The following AFAP1L2 variants were observed in gnomAD, a reference collection of about 807,000 sequenced individuals.
The protein encoded by AFAP1L2 is actin filament associated protein 1 like 2.
AFAP1L2 carries 46 observed loss-of-function variants against 99.3 expected under a neutral mutation model. That is an observed-to-expected ratio of 0.46 (90% CI 0.37 to 0.59). The LOEUF (loss-of-function observed/expected upper bound fraction) is 0.59, where lower values mean the gene tolerates loss of function less well. Among genes scored for constraint, AFAP1L2 ranks in the 20% least tolerant of loss-of-function variants. The pLI is 0.00. For synonymous variants in AFAP1L2, 397 were observed against 419.1 expected (o/e 0.95, Z 0.64); for missense variants, 959 against 1,034.9 (o/e 0.93, Z 1.01).
chr10:114,310,587 C>T (rs1222631075), intron 7 of AFAP1L2, 144 bp from the exon 8 acceptor site: 10 of 699,212 alleles, frequency 1.4e-5, no homozygotes, highest in Middle Eastern at 4.0e-4. Context: ...AGGACCCACC[C>T]GACCCCAGCC....
At chr10:114,404,301 T>C in intron 1 of AFAP1L2, 139 bp downstream of exon 1, 1 of 1,032,800 alleles carries the variant, frequency 9.7e-7, no homozygotes, top group East Asian at 2.7e-5. Context: ...TCGCCCCCTC[T>C]TAGGCCCAGG....
At chr10:114,336,580 C>A (rs2048008017) in intron 2 of AFAP1L2, among the ~76,000 whole-genome samples, 1 of 151,878 alleles carries the variant, frequency 6.6e-6, no homozygotes, top group African/African-American at 2.4e-5. Context: ...TCCCAGAGAA[C>A]TGGCATAGGG....
rs202230952 is a variant in AFAP1L2 at position 114,363,842 on chromosome 10, AC to A, written c.17-23112del. Among the ~76,000 whole-genome samples the A allele has an allele frequency of 8.2e-3, 1,255 of 152,214 alleles. 12 individuals carry two copies. The highest frequency in any genetic ancestry group is 0.025 in the African/African-American group (1,033 of 41,520). On this transcript the variant is annotated intron_variant, in intron 1 of 18. Coordinates refer to ENST00000304129, the MANE Select transcript of AFAP1L2 (RefSeq NM_001001936.3). ...ATTGTTTTATTTAATCCTCACCACA[AC>A]CCTATGTGAAATATAGCATTATCCC...
intron 1 of AFAP1L2, among the ~76,000 whole-genome samples, chr10:114,360,509 T>TAGATAGATAGATAGTTAGA (rs61366681): frequency 1.0e-3 from 108 of 107,400 alleles, no homozygotes; most frequent in African/African-American, 2.5e-3. Context: ...AGATAGATAG[T>TAGATAGATAGATAGTTAGA]TAGATAGATA....
At chr10:114,301,981 CT>C (rs1457438433) in intron 12 of AFAP1L2, 1 of 279,218 alleles carries the variant, frequency 3.6e-6, no homozygotes, top group Non-Finnish European at 6.9e-6. Context: ...GCACCACCCC[CT>C]GACCTGCTTT....
chr10:114,287,499 C>T, the AFAP1L2 span, among the ~76,000 whole-genome samples: 11 of 152,098 alleles, frequency 7.2e-5, no homozygotes, highest in Non-Finnish European at 4.4e-5. Context: ...TCCTGGAGTT[C>T]TCCCCTTGGT....
At chr10:114,351,815 A>T (rs538766126) in intron 1 of AFAP1L2, among the ~76,000 whole-genome samples, 64 of 152,138 alleles carry the variant, frequency 4.2e-4, no homozygotes, top group Admixed American at 1.6e-3. Context: ...TTGATCTTGC[A>T]AGAAGCAGCC....
intron 11 of AFAP1L2, among the ~76,000 whole-genome samples, chr10:114,303,805 A>G (rs1283985005): frequency 6.6e-6 from 1 of 152,142 alleles, no homozygotes; most frequent in African/African-American, 2.4e-5. Context: ...GAAAGCCATC[A>G]GGGCTCCGTT....
At chr10:114,286,416 G>A in the AFAP1L2 span, 1 of 1,613,832 alleles carries the variant, frequency 6.2e-7, no homozygotes, top group East Asian at 2.2e-5. Context: ...GAGATCACAG[G>A]CAGCCCAAAG....
At chr10:114,334,390 T>G (rs188260538) in intron 2 of AFAP1L2, among the ~76,000 whole-genome samples, 1 of 152,224 alleles carries the variant, frequency 6.6e-6, no homozygotes, top group Non-Finnish European at 1.5e-5. Context: ...TCCTAGAAAC[T>G]TGTGGCTGAT....
At chr10:114,303,456 C>T (rs2041585347) in intron 11 of AFAP1L2, among the ~76,000 whole-genome samples, 1 of 152,118 alleles carries the variant, frequency 6.6e-6, no homozygotes, top group Admixed American at 6.5e-5. Flanking sequence ...TACAGGCGCC[C>T]ACCACCACAC....
At position 114,353,632 on chromosome 10, in the gene AFAP1L2, T is replaced by C. The variant is rs530772201; in HGVS notation, c.17-12901A>G. On this transcript the variant is annotated intron_variant, in intron 1 of 18. Coordinates refer to ENST00000304129, the MANE Select transcript of AFAP1L2 (RefSeq NM_001001936.3). Reference sequence around the variant, plus strand: ...AAGCCTAGAGTTTATTCCATTGCTCTGAGTCGACCTTACATTGGTAAAGAT... The same window carrying C: ...AAGCCTAGAGTTTATTCCATTGCTCCGAGTCGACCTTACATTGGTAAAGAT... Among the ~76,000 whole-genome samples, 194 of 152,350 alleles carry C rather than the reference T, an allele frequency of 1.3e-3. 1 individual carries two copies. Among genetic ancestry groups the C allele is most frequent in the Admixed American group, 4.2e-3 (64 of 15,306 alleles).
chr10:114,404,411 T>C, intron 1 of AFAP1L2, 29 bp downstream of exon 1: 1 of 1,539,344 alleles, frequency 6.5e-7, no homozygotes, highest in Non-Finnish European at 8.7e-7. Context: ...GGAGTGGGTG[T>C]GCGCCGCGCG....
At chr10:114,324,442 G>C (rs1327878501) in intron 4 of AFAP1L2, among the ~76,000 whole-genome samples, 5 of 148,406 alleles carry the variant, frequency 3.4e-5, no homozygotes, top group Admixed American at 6.9e-5. Context: ...AGCAGAGATG[G>C]GGTTTCATCA....
chr10:114,345,701 G>A (rs2049447354), intron 1 of AFAP1L2, among the ~76,000 whole-genome samples: 1 of 152,248 alleles, frequency 6.6e-6, no homozygotes, highest in South Asian at 2.1e-4. Flanking sequence ...TCCATCCGTT[G>A]GCTGTAGTCA....
the AFAP1L2 span, chr10:114,282,430 G>A: frequency 5.6e-6 from 6 of 1,076,988 alleles, no homozygotes; most frequent in South Asian, 6.3e-5. Flanking sequence ...TCTTCTATCA[G>A]CTTTTGGTGT....
chr10:114,373,249 A>T (rs1023400635), intron 1 of AFAP1L2, among the ~76,000 whole-genome samples: 13 of 151,990 alleles, frequency 8.6e-5, no homozygotes, highest in Non-Finnish European at 1.6e-4. Context: ...TCAAATTTTT[A>T]AAATTCCTAC....
chr10:114,399,715 T>C (rs1180525778), intron 1 of AFAP1L2, among the ~76,000 whole-genome samples: 1 of 152,202 alleles, frequency 6.6e-6, no homozygotes, highest in Admixed American at 6.5e-5. Context: ...GCCTACGGCA[T>C]TCTCTTTCCC....
chr10:114,384,000 C>A (rs191738369), intron 1 of AFAP1L2, among the ~76,000 whole-genome samples: 32 of 152,312 alleles, frequency 2.1e-4, no homozygotes, highest in Admixed American at 1.9e-3. Flanking sequence ...CTGCCCCTAG[C>A]GCTTCTCCCT....
Sources: gnomAD v4.1 joint callset for allele counts (sites outside exome capture counted in the v4.1 genomes callset) on GRCh38, gnomAD v4.1.1 for gene constraint, MANE v1.5 for transcripts, NCBI Gene and HGNC (gene_info 2026-07-23, HGNC 2026-07-21) for gene names.